The following ARHGAP1 variants were observed in gnomAD, a reference collection of about 807,000 sequenced individuals.
The protein encoded by ARHGAP1 is rho GTPase-activating protein 1.
Under a neutral mutation model 52.2 loss-of-function variants are expected in ARHGAP1, and 23 were observed. That is an observed-to-expected ratio of 0.44 (90% CI 0.32 to 0.62). ARHGAP1 has a LOEUF of 0.62. ARHGAP1 is among the 20% of genes least tolerant of loss of function. The probability of loss-of-function intolerance (pLI) is 0.05; values close to 1 mark genes in which losing one functional copy is unlikely to be tolerated. For missense variants in ARHGAP1, 480 were observed against 560.9 expected (o/e 0.86, Z 1.46); for synonymous variants, 210 against 228.4 (o/e 0.92, Z 0.73).
In ARHGAP1 at chr11:46,680,744, A is replaced by G. The variant is rs1395142794; in HGVS notation, c.639T>C (p.Tyr213=). 2.6e-6 allele frequency: 4 copies of G among 1,547,856 alleles called. No homozygotes were observed. The highest frequency in any genetic ancestry group is 1.4e-5 in the African/African-American group (1 of 73,168). Residue 213 remains tyrosine, a synonymous_variant, in exon 8 of 13, where the codon TAT becomes TAC. Coordinates refer to ENST00000311956, the MANE Select transcript of ARHGAP1 (RefSeq NM_004308.5). This position sits in a 1 kb window ranked among gnomAD's most constrained non-coding sequence, Gnocchi z 5.9. ...TCTGTGTGGATTTCAGGAAGTCGTCATATCTGTAGGAGTAGAGGGAGGTGG... is the reference window on the plus strand; with the variant it reads ...TCTGTGTGGATTTCAGGAAGTCGTCGTATCTGTAGGAGTAGAGGGAGGTGG... ...QLGIPRQVLK[Y]DDFLKSTQKS...
Position 46,679,697 on chromosome 11 carries a change from A to G in ARHGAP1, c.978T>C (p.Pro326=), listed in dbSNP as rs1441044006. The G allele has an allele frequency of 1.2e-6, 2 of 1,614,042 alleles. No individual in the cohort carries two copies. The highest frequency in any genetic ancestry group is 2.2e-5 in the East Asian group (1 of 44,898). Residue 326 remains proline, a synonymous_variant, in exon 11 of 13, where the codon CCT becomes CCC. Coordinates refer to ENST00000311956, the MANE Select transcript of ARHGAP1 (RefSeq NM_004308.5). This position sits in a 1 kb window ranked among gnomAD's most constrained non-coding sequence, Gnocchi z 4.4. ...AGAGGTCAAAGGTGAGCAGGGGCTC[A>G]GGAAGCTCCCGGAGGAAGGTCTTGA... ...VILKTFLREL[P]EPLLTFDLYP... is the part of the protein sequence containing the mutation.
In ARHGAP1 at chr11:46,682,099, T is replaced by C; in HGVS notation, c.401A>G (p.Lys134Arg). ...ATCACGGAGCCAGCTGAGGGAGGGC[T>C]TGTTGTCGCTGGTCAGGCCGTGGTG... ...YLHHGLTSDN[K>R]PSLSWLRDAY... is the part of the protein sequence containing the mutation. Residue 134 changes from lysine to arginine, a missense_variant, in exon 5 of 13, where the codon AAG becomes AGG. Transcript: ENST00000311956. 6.2e-7 allele frequency: 1 copy of C among 1,614,106 alleles called. No individual in the cohort carries two copies. The highest frequency in any genetic ancestry group is 8.5e-7 in the Non-Finnish European group (1 of 1,179,990).
In ARHGAP1 at chr11:46,681,100, G is replaced by T. The variant is rs760327719; in HGVS notation, c.546C>A (p.Phe182Leu). The T allele has an allele frequency of 2.5e-6, 4 of 1,614,142 alleles. No individual in the cohort carries two copies. Among genetic ancestry groups the T allele is most frequent in the Non-Finnish European group, 3.4e-6 (4 of 1,180,004 alleles). Residue 182 changes from phenylalanine to leucine, a missense_variant, in exon 7 of 13, where the codon TTC (phenylalanine) becomes TTA (leucine). By Grantham distance (22) the Phe-to-Leu change is conservative. Coordinates refer to ENST00000311956, the MANE Select transcript of ARHGAP1 (RefSeq NM_004308.5). The surrounding 1 kb of genome is among the most constrained non-coding windows in gnomAD (Gnocchi z 5.7). ...AATTCACATAGAAGATCTTCTGCCC[G>T]AACTTGAAGCTGTTGGTGGAAGAAA... The part of the protein sequence containing the change: ...ILFKPLISFK[F>L]GQKIFYVNYL...
chr11:46,696,444 C>G lies in ARHGAP1; in HGVS notation c.-49-288G>C, dbSNP rs1030808298. ...AAGAGCTGTGCCAGGTCCTGTGCCG[C>G]CCGCCACCCAGCTGGCTCAGTGATG... On this transcript the variant is annotated intron_variant, in intron 1 of 12. Transcript: ENST00000311956. This position sits in a 1 kb window ranked among gnomAD's most constrained non-coding sequence, Gnocchi z 4.8. Among the ~76,000 whole-genome samples, 23 of 152,156 alleles carry G rather than the reference C, an allele frequency of 1.5e-4. No individual in the cohort carries two copies. Among genetic ancestry groups the G allele is most frequent in the African/African-American group, 5.5e-4 (23 of 41,442 alleles).
Position 46,679,112 on chromosome 11 carries a change from G to A in ARHGAP1, c.1245C>T (p.Pro415=), listed in dbSNP as rs2064503315. The A allele has an allele frequency of 6.2e-7, 1 of 1,614,210 alleles. No individual in the cohort carries two copies. Among genetic ancestry groups the A allele is most frequent in the African/African-American group, 1.3e-5 (1 of 75,070 alleles). Residue 415 remains proline (P), a synonymous_variant, in exon 13 of 13, where the codon CCC becomes CCT. Coordinates refer to ENST00000311956, the MANE Select transcript of ARHGAP1 (RefSeq NM_004308.5). The surrounding 1 kb of genome is among the most constrained non-coding windows in gnomAD (Gnocchi z 4.4). ...DAAITLKAIN[P]INTFTKFLLD... is the part of the protein sequence containing the mutation. ...GAAGGAACTTGGTGAAGGTGTTGATGGGATTAATGGCCTTGAGGGTGATGG... is the reference window on the plus strand; with the variant it reads ...GAAGGAACTTGGTGAAGGTGTTGATAGGATTAATGGCCTTGAGGGTGATGG...
At chr11:46,693,010 G>A (rs1361176736) in intron 3 of ARHGAP1, among the ~76,000 whole-genome samples, 4 of 151,980 alleles carry the variant, frequency 2.6e-5, no homozygotes, top group Admixed American at 2.0e-4. Context: ...CCGCCACCAC[G>A]CCCAGAAAAT....
intron 3 of ARHGAP1, among the ~76,000 whole-genome samples, chr11:46,692,787 A>T (rs1190949930): frequency 1.3e-5 from 2 of 152,048 alleles, no homozygotes; most frequent in African/African-American, 4.8e-5. Flanking sequence ...TCCTGGGTTC[A>T]AACGATTCTC....
intron 3 of ARHGAP1, chr11:46,695,217 C>T: frequency 2.9e-6 from 1 of 346,816 alleles, no homozygotes; most frequent in South Asian, 2.2e-5. Flanking sequence ...TGTGCCCCCT[C>T]CCCATTTTTG....
intron 3 of ARHGAP1, among the ~76,000 whole-genome samples, chr11:46,690,151 C>T (rs779378959): frequency 2.0e-5 from 3 of 151,348 alleles, no homozygotes; most frequent in Admixed American, 6.6e-5. Context: ...CCGAGGTGGG[C>T]GGATCATGAG....
intron 4 of ARHGAP1, among the ~76,000 whole-genome samples, 189 bp from the exon 5 acceptor site, chr11:46,682,371 C>G (rs1172383939): frequency 5.3e-5 from 8 of 152,140 alleles, no homozygotes; most frequent in Admixed American, 3.3e-4. Context: ...AGAGGCTGGG[C>G]AGAGGAATGA....
chr11:46,684,525 G>T (rs2064553740), intron 4 of ARHGAP1, among the ~76,000 whole-genome samples: 3 of 152,136 alleles, frequency 2.0e-5, no homozygotes, highest in Admixed American at 1.3e-4. Context: ...CAACAGCAGG[G>T]AATTGGTTAA....
rs767250150 is a variant in ARHGAP1, at chr11:46,679,430, C to T, written c.1066G>A (p.Val356Ile). 3 of 1,614,174 alleles carry T rather than the reference C, an allele frequency of 1.9e-6. No homozygotes were observed. Among genetic ancestry groups the T allele is most frequent in the Non-Finnish European group, 2.5e-6 (3 of 1,180,030 alleles). ...ESQRVPATLQ[V>I]LQTLPEENYQ... ...TTCTCCTCGGGCAGCGTCTGGAGGA[C>T]CTGCAGTGTCGCTGGCACCCTCTGG... Residue 356 changes from valine to isoleucine, a missense_variant, in exon 12 of 13, where the codon GTC becomes ATC. Transcript: ENST00000311956. This position sits in a 1 kb window ranked among gnomAD's most constrained non-coding sequence, Gnocchi z 4.4.
At chr11:46,686,590 T>A (rs1449891399) in intron 4 of ARHGAP1, among the ~76,000 whole-genome samples, 1 of 152,020 alleles carries the variant, frequency 6.6e-6, no homozygotes, top group African/African-American at 2.4e-5. Context: ...TAATCTTTTT[T>A]TTGTATTTTT....
At chr11:46,686,483 A>G (rs988127358) in intron 4 of ARHGAP1, among the ~76,000 whole-genome samples, 4 of 140,584 alleles carry the variant, frequency 2.8e-5, no homozygotes, top group East Asian at 2.2e-4. Context: ...CAGTGGTTCA[A>G]TCTTGGCTCA....
At chr11:46,695,929 C>T (rs1485729836) in intron 2 of ARHGAP1, 46 bp downstream of exon 2, 4 of 1,613,352 alleles carry the variant, frequency 2.5e-6, no homozygotes, top group Admixed American at 1.7e-5. Context: ...GGAGTGCTTC[C>T]CCCTCTAAAG....
At chr11:46,684,445 T>G (rs2064553058) in intron 4 of ARHGAP1, among the ~76,000 whole-genome samples, 1 of 152,186 alleles carries the variant, frequency 6.6e-6, no homozygotes. Flanking sequence ...CGAAAACATT[T>G]TTGTAGAAGG....
chr11:46,695,095 C>G, intron 3 of ARHGAP1: 1 of 195,558 alleles, frequency 5.1e-6, no homozygotes, highest in South Asian at 9.4e-5. Flanking sequence ...TCTGGGTCCC[C>G]CCTTATGAAC....
rs1217618985 is a variant in ARHGAP1 at position 46,679,276 on chromosome 11, A to G, written c.1132-51T>C. 3 of 1,593,560 alleles carry G rather than the reference A, an allele frequency of 1.9e-6. No individual in the cohort carries two copies. In the Admixed American group the frequency reaches 5.1e-5, roughly 27 times the overall value. ...CAGGAAGCCACAGATGCTGCCTCCC[A>G]CTCCCAGCAACAATGACCAGGGCGC... On this transcript the variant is annotated intron_variant, in intron 12 of 12. Coordinates refer to ENST00000311956, the MANE Select transcript of ARHGAP1 (RefSeq NM_004308.5). This position sits in a 1 kb window ranked among gnomAD's most constrained non-coding sequence, Gnocchi z 4.4.
Position 46,681,547 on chromosome 11 carries a change from C to A in ARHGAP1, c.450-168G>T. The A allele has an allele frequency of 1.7e-6, 1 of 581,638 alleles. No individual in the cohort carries two copies. The allele number at this position is 581,638 out of a possible 1,614,324, so 36.0% of individuals were successfully genotyped here. A position where few individuals can be genotyped will look rare whatever the true frequency, so the allele number is the denominator to read the frequency against. On this transcript the variant is annotated intron_variant, in intron 5 of 12. Coordinates refer to ENST00000311956, the MANE Select transcript of ARHGAP1 (RefSeq NM_004308.5). This position sits in a 1 kb window ranked among gnomAD's most constrained non-coding sequence, Gnocchi z 5.7. The stretch of plus-strand genomic sequence containing the variant: ...CTCCCGGATTCAAGCTATTCTCCTG[C>A]CTCAGCCTCCTGAGTAACTAGGATT...
Sources: gnomAD v4.1 joint callset for allele counts (sites outside exome capture counted in the v4.1 genomes callset) on GRCh38, gnomAD v4.1.1 for gene constraint, Gnocchi (gnomAD v3.1) non-coding constraint, MANE v1.5 for transcripts, NCBI Gene and HGNC (gene_info 2026-07-23, HGNC 2026-07-21) for gene names.